The following HDAC2 variants were observed in gnomAD, a reference collection of about 807,000 sequenced individuals.
HDAC2 encodes histone deacetylase 2, also known as YY1-associated factor 1.
Under a neutral mutation model 68.5 loss-of-function variants are expected in HDAC2, and 5 were observed. The observed-to-expected ratio is 0.07, with a 90% confidence interval of 0.04 to 0.15. The LOEUF (loss-of-function observed/expected upper bound fraction) is 0.15. Ranked by LOEUF, HDAC2 falls within the 10% of genes least tolerant of loss-of-function variation. HDAC2 has a pLI of 1.00. For missense variants in HDAC2, 291 were observed against 600.8 expected, an observed-to-expected ratio of 0.48 and a Z score of 5.39; for synonymous variants, 182 against 191.3, an observed-to-expected ratio of 0.95 and a Z score of 0.40.
intron 5 of HDAC2, 151 bp from the exon 6 acceptor site, chr6:113,953,569 T>C (rs1043890081): frequency 3.9e-6 from 2 of 518,206 alleles, no homozygotes; most frequent in African/African-American, 3.9e-5. Flanking sequence ...TTCAAATATC[T>C]GAGGTTTGAG....
In HDAC2 at chr6:113,971,146, G is replaced by T. The variant is rs935657545; in HGVS notation, c.-238C>A. ...GGCAGCGGCACCAACTCGCGAGGAG[G>T]GGGCCACCAAACCACCTCAGGAGGC... On this transcript the variant is annotated 5_prime_UTR_variant, in exon 1 of 14. Transcript: ENST00000519065. The T allele has an allele frequency of 1.3e-6, 2 of 1,539,008 alleles. No homozygotes were observed. Among genetic ancestry groups the T allele is most frequent in the Non-Finnish European group, 1.8e-6 (2 of 1,141,148 alleles).
rs556116783 is a variant in HDAC2 at position 113,944,374 on chromosome 6, A to G, written c.1128T>C (p.His376=). 6.2e-6 allele frequency: 10 copies of G among 1,613,458 alleles called. No homozygotes were observed. In the South Asian group the frequency reaches 9.9e-5, roughly 16 times the overall value. ...TAGCTTGCATCTGGACACCAGGTGC[A>G]TGAGGTAACATGCGCAAATTTTCAA... ...RLFENLRMLP[H]APGVQMQAIP... is the part of the protein sequence containing the mutation. The change falls in exon 11 of 14, where the codon CAT becomes CAC. Residue 376 remains histidine (H), a synonymous_variant. Coordinates refer to ENST00000519065, the MANE Select transcript of HDAC2 (RefSeq NM_001527.4).
intron 1 of HDAC2, among the ~76,000 whole-genome samples, chr6:113,963,759 A>T (rs189430149): frequency 2.2e-4 from 34 of 152,354 alleles, no homozygotes; most frequent in South Asian, 4.1e-4. Context: ...CCAATGAAAT[A>T]AACATTCAGA....
At position 113,946,066 on chromosome 6, in the gene HDAC2, A is replaced by G; in HGVS notation, c.924T>C (p.Asn308=). The change falls in exon 9 of 14, where the codon AAT becomes AAC. Residue 308 remains asparagine, a synonymous_variant. Coordinates refer to ENST00000519065, the MANE Select transcript of HDAC2 (RefSeq NM_001527.4). ...MLGGGGYTIR[N]VARCWTYETA... is the part of the protein sequence containing the mutation. ...TCTCATATGTCCAACATCGAGCAAC[A>G]TTACGGATTGTGTAGCCACCTCCTC... 6.2e-7 allele frequency: 1 copy of G among 1,613,436 alleles called. No individual in the cohort carries two copies. The highest frequency in any genetic ancestry group is 8.5e-7 in the Non-Finnish European group (1 of 1,179,326).
chr6:113,945,197 T>TAAAAAAAA (rs34041761), intron 10 of HDAC2, among the ~76,000 whole-genome samples, 165 bp downstream of exon 10: 1 of 134,858 alleles, frequency 7.4e-6, no homozygotes, highest in Non-Finnish European at 1.6e-5. Context: ...AATTAAAAAT[T>TAAAAAAAA]AAAAAAAAAA....
chr6:113,961,027 T>G (rs1776671580), intron 1 of HDAC2, among the ~76,000 whole-genome samples: 1 of 152,104 alleles, frequency 6.6e-6, no homozygotes, highest in Admixed American at 6.5e-5. Flanking sequence ...ACATAGGTTA[T>G]ATGCAAATAC....
rs180750419 is a variant in HDAC2 at position 113,941,192 on chromosome 6, C to T, written c.1437-104G>A. The T allele has an allele frequency of 4.2e-3, 3,141 of 755,846 alleles. 11 individuals carry two copies. The highest frequency in any genetic ancestry group is 5.8e-3 in the Non-Finnish European group (2,668 of 456,370). The allele number at this position is 755,846 out of a possible 1,614,324, so 46.8% of individuals were successfully genotyped here. A position where few individuals can be genotyped will look rare whatever the true frequency, so the allele number is the denominator to read the frequency against. On this transcript the variant is annotated intron_variant, in intron 13 of 13. Coordinates refer to ENST00000519065, the MANE Select transcript of HDAC2 (RefSeq NM_001527.4). ...TCCTGTAGGCTCATGCTAAGAAACACATTAATTGATAATGTCTTAAGTGTT... is the reference window on the plus strand; with the variant it reads ...TCCTGTAGGCTCATGCTAAGAAACATATTAATTGATAATGTCTTAAGTGTT...
intron 11 of HDAC2, 113 bp downstream of exon 11, chr6:113,944,167 A>G (rs1042865288): frequency 4.3e-6 from 4 of 928,396 alleles, no homozygotes; most frequent in Middle Eastern, 2.2e-4. Flanking sequence ...CAAAAATGAC[A>G]ATATTAACAG....
At position 113,934,057 on chromosome 6, in the gene HDAC2, A is replaced by C. The variant is rs1775947227; in HGVS notation, c.*7001T>G. ...CTGAATTTCTACGGGTAAATGTTTA[A>C]ATATGAGAAAAAAGTTGACTTTAGA... On this transcript the variant is annotated 3_prime_UTR_variant, in exon 14 of 14. Coordinates refer to ENST00000519065, the MANE Select transcript of HDAC2 (RefSeq NM_001527.4). 1 of 152,150 alleles carries C rather than the reference A, an allele frequency of 6.6e-6. No homozygotes were observed. The highest frequency in any genetic ancestry group is 1.5e-5 in the Non-Finnish European group (1 of 68,016). 9.4% of individuals were successfully genotyped at this position (152,150 alleles called of 1,614,324 possible).
chr6:113,967,915 G>T (rs1435704439), intron 1 of HDAC2, among the ~76,000 whole-genome samples: 2 of 152,196 alleles, frequency 1.3e-5, no homozygotes, highest in African/African-American at 4.8e-5. Context: ...TACAGTCAGA[G>T]AAGTAATAAC....
rs764072402 is a variant in HDAC2, at chr6:113,956,725, C to T, written c.284-32G>A. ...AAGATGGATTTCATTAATTTCAACA[C>T]ATTCTGCAAATTAATGAAAGCCTTT... On this transcript the variant is annotated intron_variant, in intron 3 of 13. Coordinates refer to ENST00000519065, the MANE Select transcript of HDAC2 (RefSeq NM_001527.4). 3.4e-6 allele frequency: 5 copies of T among 1,473,430 alleles called. No individual in the cohort carries two copies. The South Asian group carries it at 4.6e-5, about 14-fold the overall frequency. The allele number at this position is 1,473,430 out of a possible 1,614,324, so 91.3% of individuals were successfully genotyped here.
In HDAC2 at chr6:113,958,820, A is replaced by G. The variant is rs1562147266; in HGVS notation, c.166-54T>C. On this transcript the variant is annotated intron_variant, in intron 2 of 13. Transcript: ENST00000519065. ...TGGAATTACAACCGGTTATATCAGT[A>G]TTATCAAACAAATATACAAATTCCC... is the stretch of plus-strand genomic sequence containing the variant. 7 of 988,620 alleles carry G rather than the reference A, an allele frequency of 7.1e-6. No homozygotes were observed. The Middle Eastern group carries it at 6.1e-4, about 87-fold the overall frequency. 61.2% of individuals were successfully genotyped at this position (988,620 alleles called of 1,614,324 possible).
intron 8 of HDAC2, 82 bp downstream of exon 8, chr6:113,948,897 T>A: frequency 2.6e-6 from 4 of 1,513,952 alleles, no homozygotes. Context: ...GGCAAGAAAC[T>A]ACAATGAGAA....
chr6:113,945,832 A>G (rs907514938), intron 9 of HDAC2, among the ~76,000 whole-genome samples, 176 bp downstream of exon 9: 1 of 152,230 alleles, frequency 6.6e-6, no homozygotes, highest in Non-Finnish European at 1.5e-5. Flanking sequence ...TGTTCTGAGC[A>G]CGTTTAAAGT....
chr6:113,970,931 A>G lies in HDAC2; in HGVS notation c.-23T>C. On this transcript the variant is annotated 5_prime_UTR_variant, in exon 1 of 14. Coordinates refer to ENST00000519065, the MANE Select transcript of HDAC2 (RefSeq NM_001527.4). ...CATGGGCTCCCCGGCCACCGCCGCC[A>G]CCGGGCTCCTCCTCCTGCTGCTGCT... is the stretch of plus-strand genomic sequence containing the variant. The G allele has an allele frequency of 6.4e-7, 1 of 1,551,406 alleles. No homozygotes were observed. Among genetic ancestry groups the G allele is most frequent in the Non-Finnish European group, 8.7e-7 (1 of 1,147,910 alleles).
At position 113,949,207 on chromosome 6, in the gene HDAC2, A is replaced by G. The variant is rs1425970615; in HGVS notation, c.693T>C (p.Asp231=). 2 of 1,609,360 alleles carry G rather than the reference A, an allele frequency of 1.2e-6. No individual in the cohort carries two copies. The highest frequency in any genetic ancestry group is 1.7e-6 in the Non-Finnish European group (2 of 1,175,734). The part of the protein sequence containing the change: ...KYYAVNFPMR[D]GIDDESYGQI... ...GCCCATATGACTCATCATCTATACC[A>G]TCTCTCATTGGAAAATTGACAGCAT... The change falls in exon 7 of 14, where the codon GAT becomes GAC. Residue 231 remains aspartate, a synonymous_variant. Coordinates refer to ENST00000519065, the MANE Select transcript of HDAC2 (RefSeq NM_001527.4).
chr6:113,941,209 T>G (rs1328019157), intron 13 of HDAC2, 121 bp from the exon 14 acceptor site: 1 of 642,458 alleles, frequency 1.6e-6, no homozygotes, highest in Admixed American at 2.9e-5. Flanking sequence ...TGATAATGTC[T>G]TAAGTGTTTC....
At chr6:113,966,634 G>T (rs1186453336) in intron 1 of HDAC2, among the ~76,000 whole-genome samples, 2 of 151,088 alleles carry the variant, frequency 1.3e-5, no homozygotes, top group African/African-American at 4.9e-5. Context: ...TTTAAATGTA[G>T]TTGGCGAAGA....
At chr6:113,948,715 T>C in intron 8 of HDAC2, 1 of 391,726 alleles carries the variant, frequency 2.6e-6, no homozygotes, top group Non-Finnish European at 4.6e-6. Flanking sequence ...TTACACTGAG[T>C]CAACAACCAT....
Sources: allele counts gnomAD v4.1 joint callset (sites outside exome capture counted in the v4.1 genomes callset), GRCh38; gene constraint gnomAD v4.1.1; transcripts MANE v1.5; gene names NCBI Gene and HGNC (gene_info 2026-07-23, HGNC 2026-07-21).